KCNIP4: variants seen among roughly 807,000 people sequenced by gnomAD.
KCNIP4 encodes Kv channel-interacting protein 4.
Under a neutral mutation model 34.0 loss-of-function variants are expected in KCNIP4, and 12 were observed. That is an observed-to-expected ratio of 0.35 (90% CI 0.23 to 0.57). KCNIP4 has a LOEUF of 0.57. Ranked by LOEUF, KCNIP4 falls within the 20% of genes least tolerant of loss-of-function variation. The pLI is 0.83. For synonymous variants in KCNIP4, 124 were observed against 102.2 expected (o/e 1.21, Z -1.29); for missense variants, 238 against 311.7 (o/e 0.76, Z 1.78).
chr4:21,454,817 C>A (rs1356323638), intron 1 of KCNIP4, among the ~76,000 whole-genome samples: 2 of 152,034 alleles, frequency 1.3e-5, no homozygotes, highest in African/African-American at 2.4e-5. Flanking sequence ...TAAAAAAATT[C>A]TTTTGGTTAA....
intron 1 of KCNIP4, among the ~76,000 whole-genome samples, chr4:20,897,997 A>G (rs1328340787): frequency 6.6e-6 from 1 of 151,954 alleles, no homozygotes; most frequent in Non-Finnish European, 1.5e-5. Flanking sequence ...AAATCAGTAG[A>G]CTGAGCAAAG....
chr4:21,127,018 T>C (rs560979339), intron 1 of KCNIP4, among the ~76,000 whole-genome samples: 1 of 152,316 alleles, frequency 6.6e-6, no homozygotes, highest in South Asian at 2.1e-4. Flanking sequence ...GCTCTTTCTG[T>C]TCCTGCAACT....
intron 1 of KCNIP4, among the ~76,000 whole-genome samples, chr4:21,461,272 T>C (rs568257195): frequency 4.5e-4 from 68 of 152,150 alleles, no homozygotes; most frequent in Non-Finnish European, 6.9e-4. Context: ...TCCTTCACCT[T>C]CTGCCATGAT....
intron 1 of KCNIP4, among the ~76,000 whole-genome samples, chr4:21,597,597 T>A (rs988016770): frequency 6.6e-6 from 1 of 152,166 alleles, no homozygotes; most frequent in African/African-American, 2.4e-5. Context: ...GTTCATTGGC[T>A]TTCCCAAGGT....
At chr4:21,680,125 C>T (rs1461562349) in intron 1 of KCNIP4, among the ~76,000 whole-genome samples, 1 of 152,164 alleles carries the variant, frequency 6.6e-6, no homozygotes, top group Non-Finnish European at 1.5e-5. Flanking sequence ...AAATTAAAGT[C>T]AATCCTCTCA....
At chr4:21,577,948 T>C (rs1336454917) in intron 1 of KCNIP4, among the ~76,000 whole-genome samples, 2 of 152,226 alleles carry the variant, frequency 1.3e-5, no homozygotes, top group African/African-American at 2.4e-5. Flanking sequence ...TTCTGGAGAA[T>C]TGTTTTAGAA....
At chr4:20,787,864 T>C (rs1712209790) in intron 3 of KCNIP4, among the ~76,000 whole-genome samples, 1 of 152,158 alleles carries the variant, frequency 6.6e-6, no homozygotes, top group African/African-American at 2.4e-5. Flanking sequence ...CCATGTCTTC[T>C]TTATAACTGT....
intron 1 of KCNIP4, among the ~76,000 whole-genome samples, chr4:21,727,883 C>T (rs1030285925): frequency 6.6e-6 from 1 of 152,050 alleles, no homozygotes; most frequent in African/African-American, 2.4e-5. Context: ...TGCCTTTGTT[C>T]AGAATATTTT....
intron 1 of KCNIP4, among the ~76,000 whole-genome samples, chr4:21,927,886 C>T (rs769425218): frequency 4.6e-5 from 7 of 152,032 alleles, no homozygotes; most frequent in Non-Finnish European, 8.8e-5. Context: ...TGACAATACT[C>T]ACCCACACGA....
At chr4:21,555,314 G>T (rs576023647) in intron 1 of KCNIP4, among the ~76,000 whole-genome samples, 1 of 152,210 alleles carries the variant, frequency 6.6e-6, no homozygotes, top group African/African-American at 2.4e-5. Flanking sequence ...TGCTGTATTT[G>T]TCATGCACAT....
intron 3 of KCNIP4, among the ~76,000 whole-genome samples, chr4:20,759,396 A>C (rs1412153613): frequency 6.6e-6 from 1 of 152,198 alleles, no homozygotes; most frequent in Non-Finnish European, 1.5e-5. Context: ...AGGCATACCC[A>C]AGACATGGTT....
chr4:21,237,810 G>A (rs1365954370), intron 1 of KCNIP4, among the ~76,000 whole-genome samples: 36 of 152,178 alleles, frequency 2.4e-4, no homozygotes, highest in African/African-American at 7.7e-4. Context: ...ACAAGGAGGA[G>A]CTGTTATCAT....
intron 1 of KCNIP4, among the ~76,000 whole-genome samples, chr4:21,105,396 TTGTC>T (rs1436717261): frequency 2.0e-5 from 3 of 151,644 alleles, no homozygotes; most frequent in Non-Finnish European, 4.4e-5. Flanking sequence ...GGCTCTCTGT[TTGTC>T]TGTTATTGGT....
intron 1 of KCNIP4, among the ~76,000 whole-genome samples, chr4:21,121,573 C>G (rs1011206188): frequency 6.6e-6 from 1 of 152,234 alleles, no homozygotes; most frequent in Non-Finnish European, 1.5e-5. Flanking sequence ...AGACAGAGAA[C>G]ATGTTTTATT....
At chr4:21,773,620 T>A (rs1186769558) in intron 1 of KCNIP4, among the ~76,000 whole-genome samples, 4 of 152,198 alleles carry the variant, frequency 2.6e-5, no homozygotes, top group Non-Finnish European at 2.9e-5. Context: ...GTATATATAT[T>A]TAGAATAGTT....
intron 1 of KCNIP4, among the ~76,000 whole-genome samples, chr4:21,071,914 T>C (rs936207502): frequency 6.6e-6 from 1 of 152,202 alleles, no homozygotes. Flanking sequence ...GTCCTTGCGA[T>C]AGTTTGCTGA....
intron 1 of KCNIP4, among the ~76,000 whole-genome samples, chr4:20,911,774 T>A (rs1269114783): frequency 6.6e-6 from 1 of 152,208 alleles, no homozygotes; most frequent in East Asian, 1.9e-4. Context: ...TCTAACATTT[T>A]TTATTCCAAG....
intron 1 of KCNIP4, among the ~76,000 whole-genome samples, chr4:21,524,823 A>G (rs893553352): frequency 8.5e-5 from 13 of 152,208 alleles, no homozygotes; most frequent in African/African-American, 3.1e-4. Context: ...CATCATGCGT[A>G]GTGCCTTGCA....
intron 1 of KCNIP4, among the ~76,000 whole-genome samples, chr4:20,944,153 A>G (rs548726504): frequency 1.1e-3 from 170 of 152,198 alleles, no homozygotes; most frequent in Non-Finnish European, 1.9e-3. Flanking sequence ...GCATGCACAC[A>G]TTGACCATAG....
Sources: gnomAD v4.1 joint callset for allele counts (sites outside exome capture counted in the v4.1 genomes callset) on GRCh38, gnomAD v4.1.1 for gene constraint, MANE v1.5 for transcripts, NCBI Gene and HGNC (gene_info 2026-07-23, HGNC 2026-07-21) for gene names.